The following DIPK1A variants were observed in gnomAD, a reference collection of about 807,000 sequenced individuals.
DIPK1A encodes family with sequence similarity 69 member A.
DIPK1A carries 27 observed loss-of-function variants against 40.8 expected under a neutral mutation model. The ratio of observed to expected loss-of-function variants is 0.66; its 90% CI spans 0.49 to 0.91. DIPK1A has a LOEUF of 0.91. Ranked by LOEUF, DIPK1A falls within the 40% of genes least tolerant of loss-of-function variation. The pLI is 0.00. For missense variants in DIPK1A, 412 were observed against 505.7 expected (o/e 0.81, Z 1.78); for synonymous variants, 166 against 171.3 (o/e 0.97, Z 0.24).
downstream of DIPK1A, among the ~76,000 whole-genome samples, chr1:92,839,418 G>C (rs1387614998): frequency 2.0e-5 from 3 of 152,126 alleles, no homozygotes; most frequent in African/African-American, 7.2e-5. Flanking sequence ...GAAAACTTCT[G>C]ACATCTTTCT....
chr1:92,888,632 TA>T (rs1040289265), intron 1 of DIPK1A, among the ~76,000 whole-genome samples: 2 of 152,230 alleles, frequency 1.3e-5, no homozygotes, highest in African/African-American at 4.8e-5. Flanking sequence ...ATGGCTACAC[TA>T]ATTTACATTT....
chr1:92,897,086 A>G (rs1649206120), intron 1 of DIPK1A, among the ~76,000 whole-genome samples: 1 of 152,124 alleles, frequency 6.6e-6, no homozygotes. Flanking sequence ...CCATTGTGGA[A>G]GTCAGTGTGG....
chr1:92,954,834 A>G (rs1445202424), intron 1 of DIPK1A, among the ~76,000 whole-genome samples: 1 of 152,230 alleles, frequency 6.6e-6, no homozygotes, highest in African/African-American at 2.4e-5. Context: ...AAATAATACT[A>G]TAATCCATCA....
chr1:92,922,561 T>C (rs555084321), intron 1 of DIPK1A, among the ~76,000 whole-genome samples: 24 of 152,308 alleles, frequency 1.6e-4, no homozygotes, highest in African/African-American at 5.5e-4. Flanking sequence ...GTTCAATCAA[T>C]GCGGTTTGCT....
In DIPK1A at chr1:92,882,426, C is replaced by T. The variant is rs1297023837; in HGVS notation, c.55-5996G>A. Among the ~76,000 whole-genome samples the T allele has an allele frequency of 2.0e-5, 3 of 152,254 alleles. 1 individual carries two copies. The highest frequency in any genetic ancestry group is 1.9e-4 in the East Asian group (1 of 5,180). On this transcript the variant is annotated intron_variant, in intron 1 of 4. Coordinates refer to ENST00000370310, the MANE Select transcript of DIPK1A (RefSeq NM_001006605.5). ...AAATAAAACCCCCAGAATTTTCTAA[C>T]ACCCTCACTGACCCCTATCCTCCCA...
At chr1:92,851,548 A>AAAAAAC (rs1345933170) in intron 2 of DIPK1A, among the ~76,000 whole-genome samples, 5 of 94,054 alleles carry the variant, frequency 5.3e-5, no homozygotes, top group Admixed American at 4.7e-4. Flanking sequence ...ATCTCAAAAA[A>AAAAAAC]AAAAAAAAAA....
intron 3 of DIPK1A, 124 bp from the exon 4 acceptor site, chr1:92,847,483 A>C: frequency 2.0e-6 from 1 of 512,072 alleles, no homozygotes; most frequent in South Asian, 7.9e-5. Context: ...CATTGAGGTT[A>C]AGGTGTGACT....
chr1:92,848,647 T>C (rs1054739035), intron 3 of DIPK1A, among the ~76,000 whole-genome samples: 3 of 152,232 alleles, frequency 2.0e-5, no homozygotes, highest in Non-Finnish European at 2.9e-5. Context: ...CATAGCCTTT[T>C]GCACTGTCTA....
At chr1:92,880,856 C>T (rs999302435) in intron 1 of DIPK1A, among the ~76,000 whole-genome samples, 3 of 149,462 alleles carry the variant, frequency 2.0e-5, no homozygotes, top group Non-Finnish European at 3.0e-5. Flanking sequence ...GGCAACAGAG[C>T]GAGACTCCGT....
intron 1 of DIPK1A, among the ~76,000 whole-genome samples, chr1:92,950,596 T>C (rs1352163234): frequency 6.6e-6 from 1 of 152,144 alleles, no homozygotes; most frequent in African/African-American, 2.4e-5. Context: ...GATGATGCAT[T>C]CAAAAGTTAT....
downstream of DIPK1A, chr1:92,837,370 G>A: frequency 8.8e-7 from 1 of 1,137,334 alleles, no homozygotes; most frequent in Non-Finnish European, 1.3e-6. Context: ...TTTCAAGACG[G>A]GACTGATGGC....
intron 1 of DIPK1A, among the ~76,000 whole-genome samples, chr1:92,886,735 A>G (rs1479549868): frequency 2.0e-5 from 3 of 152,110 alleles, no homozygotes; most frequent in Non-Finnish European, 4.4e-5. Flanking sequence ...AATATACTTA[A>G]TCCTCATAAA....
intron 3 of DIPK1A, among the ~76,000 whole-genome samples, chr1:92,847,912 T>C (rs898507423): frequency 1.3e-5 from 2 of 152,090 alleles, no homozygotes; most frequent in Admixed American, 1.3e-4. Context: ...ATTAAAAACA[T>C]TTTTTGTAGA....
intron 1 of DIPK1A, among the ~76,000 whole-genome samples, chr1:92,883,739 G>A (rs542895806): frequency 6.6e-6 from 1 of 152,310 alleles, no homozygotes; most frequent in South Asian, 2.1e-4. Flanking sequence ...AGGGGAGGCT[G>A]CATCATTTCT....
At chr1:92,944,210 A>G (rs1322383364) in intron 1 of DIPK1A, among the ~76,000 whole-genome samples, 1 of 152,158 alleles carries the variant, frequency 6.6e-6, no homozygotes, top group Admixed American at 6.5e-5. Context: ...AGAAGCTAGA[A>G]AAGACATAAA....
chr1:92,845,297 T>A (rs1176214073), intron 4 of DIPK1A, among the ~76,000 whole-genome samples: 2 of 6,070 alleles, frequency 3.3e-4, no homozygotes, highest in Admixed American at 4.0e-3. Flanking sequence ...GTACCGTTTT[T>A]TTTTTTTTTT....
chr1:92,861,328 T>C (rs1647263975), intron 2 of DIPK1A, among the ~76,000 whole-genome samples: 2 of 135,582 alleles, frequency 1.5e-5, no homozygotes, highest in Admixed American at 1.5e-4. Context: ...TCTCTTTTTT[T>C]TTTTTTTTTT....
chr1:92,887,517 C>G (rs998951168), intron 1 of DIPK1A, among the ~76,000 whole-genome samples: 1 of 152,070 alleles, frequency 6.6e-6, no homozygotes, highest in Non-Finnish European at 1.5e-5. Flanking sequence ...AAACAGATCC[C>G]TACTAGTCTA....
intron 1 of DIPK1A, among the ~76,000 whole-genome samples, chr1:92,954,307 A>T (rs6685049): frequency 0.62 from 92,223 of 147,720 alleles, 29,578 homozygotes; most frequent in African/African-American, 0.75. Flanking sequence ...CACAAAAAAA[A>T]AAATAAATAA....
Sources: allele counts gnomAD v4.1 joint callset (sites outside exome capture counted in the v4.1 genomes callset), GRCh38; gene constraint gnomAD v4.1.1; transcripts MANE v1.5; gene names NCBI Gene and HGNC (gene_info 2026-07-23, HGNC 2026-07-21).